The following TTC27 variants were observed in gnomAD, a reference collection of about 807,000 sequenced individuals.
TTC27 encodes tetratricopeptide repeat protein 27.
TTC27 carries 79 observed loss-of-function variants against 115.9 expected under a neutral mutation model. That is an observed-to-expected ratio of 0.68 (90% CI 0.57 to 0.82). The LOEUF (loss-of-function observed/expected upper bound fraction) is 0.82. Among genes scored for constraint, TTC27 ranks in the 40% least tolerant of loss-of-function variants. TTC27 has a pLI of 0.00. For synonymous variants in TTC27, 401 were observed against 356.0 expected (o/e 1.13, Z -1.42); for missense variants, 1,054 against 993.1 (o/e 1.06, Z -0.82).
At chr2:32,649,223 C>A (rs1446583432) in intron 4 of TTC27, among the ~76,000 whole-genome samples, 2 of 152,118 alleles carry the variant, frequency 1.3e-5, no homozygotes, top group African/African-American at 2.4e-5. Context: ...TGGAAGCAAT[C>A]TTCTCAGATT....
chr2:32,702,483 G>C (rs1667218505), intron 9 of TTC27, among the ~76,000 whole-genome samples: 1 of 152,090 alleles, frequency 6.6e-6, no homozygotes, highest in Admixed American at 6.5e-5. Flanking sequence ...GGTGGTCACA[G>C]CTTTCTCTGG....
intron 16 of TTC27, among the ~76,000 whole-genome samples, chr2:32,807,828 T>A (rs1341660007): frequency 6.6e-6 from 1 of 152,058 alleles, no homozygotes; most frequent in Admixed American, 6.5e-5. Flanking sequence ...GTAGATCGAC[T>A]TTCCTTGTAA....
intron 10 of TTC27, among the ~76,000 whole-genome samples, chr2:32,721,883 A>G (rs1667944632): frequency 6.6e-6 from 1 of 152,120 alleles, no homozygotes; most frequent in South Asian, 2.1e-4. Context: ...TTCCCAAAGC[A>G]CTGGGATTCT....
At position 32,771,072 on chromosome 2, in the gene TTC27, T is replaced by C. The variant is rs13023702; in HGVS notation, c.1681-6810T>C. ...CTGGGCTGTAGGTGTGACTGATGCA[T>C]AGTGGGGAGGCCGAAAGCTTTGCTA... is the stretch of plus-strand genomic sequence containing the variant. On this transcript the variant is annotated intron_variant, in intron 13 of 19. Transcript: ENST00000317907. 7.4e-3 allele frequency among the ~76,000 whole-genome samples: 1,128 copies of C among 152,278 alleles called. 11 individuals carry two copies. Among genetic ancestry groups the C allele is most frequent in the Non-Finnish European group, 0.011 (741 of 68,022 alleles).
At chr2:32,649,609 TC>T in intron 4 of TTC27, among the ~76,000 whole-genome samples, 1 of 151,190 alleles carries the variant, frequency 6.6e-6, no homozygotes, top group Non-Finnish European at 1.5e-5. Context: ...CAATGGTGCA[TC>T]CTCGGCTCAC....
chr2:32,795,810 C>A (rs1670684755), intron 16 of TTC27, among the ~76,000 whole-genome samples: 1 of 150,934 alleles, frequency 6.6e-6, no homozygotes, highest in African/African-American at 2.4e-5. Context: ...AGCTTCTGAC[C>A]TTAGGTGATC....
chr2:32,665,150 A>T (rs1665725375), intron 6 of TTC27, among the ~76,000 whole-genome samples: 1 of 151,966 alleles, frequency 6.6e-6, no homozygotes, highest in Admixed American at 6.6e-5. Flanking sequence ...CCCAGCCCAC[A>T]TTCTGTGCTT....
chr2:32,637,883 T>G (rs115557165), intron 3 of TTC27, among the ~76,000 whole-genome samples: 20 of 152,342 alleles, frequency 1.3e-4, no homozygotes, highest in African/African-American at 4.8e-4. Flanking sequence ...ACTGAACTCA[T>G]GATGAAGGTC....
At position 32,693,970 on chromosome 2, in the gene TTC27, C is replaced by T. The variant is rs148186511; in HGVS notation, c.1120-8837C>T. Among the ~76,000 whole-genome samples, 65 of 152,254 alleles carry T rather than the reference C, an allele frequency of 4.3e-4. 1 individual carries two copies. Among genetic ancestry groups the T allele is most frequent in the African/African-American group, 1.5e-3 (62 of 41,560 alleles). ...ATAAATAAAATGAACAACAAAACAG[C>T]AAAAACAGCAAACTTGTATCGAGAA... is the stretch of plus-strand genomic sequence containing the variant. On this transcript the variant is annotated intron_variant, in intron 9 of 19. Transcript: ENST00000317907.
At chr2:32,672,115 A>G (rs1227582792) in intron 7 of TTC27, among the ~76,000 whole-genome samples, 157 bp from the exon 8 acceptor site, 1 of 152,166 alleles carries the variant, frequency 6.6e-6, no homozygotes, top group African/African-American at 2.4e-5. Context: ...TGGAAGGTAA[A>G]TTGTTTCCAA....
intron 16 of TTC27, among the ~76,000 whole-genome samples, chr2:32,790,607 A>G (rs1670503367): frequency 6.6e-6 from 1 of 152,236 alleles, no homozygotes; most frequent in African/African-American, 2.4e-5. Context: ...AGGTATTTTG[A>G]AATATACATT....
Position 32,820,863 on chromosome 2 carries a change from TG to T in TTC27, c.2458del (p.Asp820MetfsTer3). The T allele has an allele frequency of 6.5e-7, 1 of 1,545,132 alleles. No homozygotes were observed. Among genetic ancestry groups the T allele is most frequent in the Non-Finnish European group, 8.8e-7 (1 of 1,142,574 alleles). On this transcript the variant is annotated frameshift_variant, in exon 20 of 20. Coordinates refer to ENST00000317907, the MANE Select transcript of TTC27 (RefSeq NM_017735.5). LOFTEE classifies it high-confidence loss of function. ...ATGEMSRELA[D>X]DITAMDTLVT... ...CTGGAGAAATGTCCAGGGAATTAGC[TG>T]ATGACATAACAGCTATGGACACCTT...
chr2:32,652,717 T>C (rs891826764), intron 5 of TTC27, among the ~76,000 whole-genome samples: 4 of 152,230 alleles, frequency 2.6e-5, no homozygotes, highest in African/African-American at 7.2e-5. Flanking sequence ...TTTTCATGCA[T>C]GATTTCATTT....
chr2:32,795,189 A>G (rs1670657954), intron 16 of TTC27, among the ~76,000 whole-genome samples: 2 of 151,998 alleles, frequency 1.3e-5, no homozygotes, highest in Non-Finnish European at 2.9e-5. Flanking sequence ...TATTGATGCA[A>G]AAACCCTTAA....
chr2:32,709,413 GA>G lies in TTC27; in HGVS notation c.1233+6496del, dbSNP rs142495328. On this transcript the variant is annotated intron_variant, in intron 10 of 19. Coordinates refer to ENST00000317907, the MANE Select transcript of TTC27 (RefSeq NM_017735.5). ...CCCTTATCTGAAATGCTTGGGACCA[GA>G]AATGTTTTGGATTTTGGATTGTTTT... 5.7e-3 allele frequency among the ~76,000 whole-genome samples: 865 copies of G among 152,286 alleles called. 12 individuals carry two copies. The highest frequency in any genetic ancestry group is 0.02 in the African/African-American group (820 of 41,556).
intron 9 of TTC27, among the ~76,000 whole-genome samples, chr2:32,686,796 A>T (rs541826753): frequency 6.6e-6 from 1 of 152,224 alleles, no homozygotes; most frequent in South Asian, 2.1e-4. Flanking sequence ...TCTGGAGATG[A>T]CTTTTTTGCT....
intron 4 of TTC27, among the ~76,000 whole-genome samples, chr2:32,642,340 C>G (rs1448847154): frequency 7.2e-6 from 1 of 138,248 alleles, no homozygotes; most frequent in African/African-American, 2.7e-5. Context: ...CAACCTCCAC[C>G]TCACAGGTTC....
At chr2:32,817,351 C>T in intron 18 of TTC27, 106 bp from the exon 19 acceptor site, 3 of 845,754 alleles carry the variant, frequency 3.5e-6, no homozygotes, top group Non-Finnish European at 5.6e-6. Context: ...AGAAGTGTTT[C>T]TAAAGTATGT....
At chr2:32,744,744 T>C (rs1203419324) in intron 12 of TTC27, among the ~76,000 whole-genome samples, 1 of 152,256 alleles carries the variant, frequency 6.6e-6, no homozygotes, top group East Asian at 1.9e-4. Flanking sequence ...ATTTGAAATA[T>C]CTGATTAAAA....
Sources: allele counts gnomAD v4.1 joint callset (sites outside exome capture counted in the v4.1 genomes callset), GRCh38; gene constraint gnomAD v4.1.1; transcripts MANE v1.5; gene names NCBI Gene and HGNC (gene_info 2026-07-23, HGNC 2026-07-21).